The following FOXP2 variants were observed in gnomAD, a reference collection of about 807,000 sequenced individuals.
The protein encoded by FOXP2 is forkhead box P2.
In FOXP2, 12 loss-of-function variants were observed where a neutral mutation model predicts 115.8. The observed-to-expected ratio is 0.10, with a 90% CI of 0.07 to 0.17. FOXP2 has a LOEUF of 0.17. Among genes scored for constraint, FOXP2 ranks in the 10% least tolerant of loss-of-function variants. FOXP2 has a pLI of 1.00. For synonymous variants in FOXP2, 328 were observed against 297.7 expected (o/e 1.10, Z -1.05); for missense variants, 629 against 843.5 (o/e 0.75, Z 3.15).
chr7:114,332,114 G>T (rs551398093), intron 2 of FOXP2, among the ~76,000 whole-genome samples: 1 of 150,382 alleles, frequency 6.6e-6, no homozygotes, highest in Admixed American at 6.6e-5. Context: ...GCATATGAAC[G>T]TGTGTGTGTG....
At chr7:114,336,487 C>T (rs986553223) in intron 2 of FOXP2, among the ~76,000 whole-genome samples, 1 of 151,438 alleles carries the variant, frequency 6.6e-6, no homozygotes, top group East Asian at 1.9e-4. Context: ...TTTCTCAAGT[C>T]TGTCTTTAAA....
chr7:114,522,703 T>C (rs139603631), intron 2 of FOXP2, among the ~76,000 whole-genome samples: 54 of 152,286 alleles, frequency 3.5e-4, no homozygotes, highest in African/African-American at 1.3e-3. Flanking sequence ...AAGGAATGAT[T>C]ATTTTCACCA....
chr7:114,279,637 C>A (rs1796278265), intron 1 of FOXP2, among the ~76,000 whole-genome samples: 1 of 151,880 alleles, frequency 6.6e-6, no homozygotes, highest in African/African-American at 2.4e-5. Flanking sequence ...CACACTTGAT[C>A]ACTTTGTTAT....
chr7:114,622,136 G>A (rs146658573), intron 3 of FOXP2, among the ~76,000 whole-genome samples: 1 of 151,908 alleles, frequency 6.6e-6, no homozygotes, highest in Admixed American at 6.6e-5. Context: ...AAAGCTGAGA[G>A]ACTGTAATAT....
intron 1 of FOXP2, among the ~76,000 whole-genome samples, chr7:114,169,143 C>G (rs185633321): frequency 1.9e-5 from 2 of 103,410 alleles, no homozygotes; most frequent in African/African-American, 3.4e-5. Flanking sequence ...CACACAGAGT[C>G]CCTACTGGTG....
chr7:114,221,641 CTGTA>C (rs1160507450), intron 1 of FOXP2, among the ~76,000 whole-genome samples: 1 of 152,132 alleles, frequency 6.6e-6, no homozygotes, highest in Non-Finnish European at 1.5e-5. Context: ...CTCCCTAGGG[CTGTA>C]TACTGTACTA....
intron 2 of FOXP2, among the ~76,000 whole-genome samples, chr7:114,338,041 G>C (rs1461470546): frequency 1.3e-5 from 2 of 150,966 alleles, no homozygotes; most frequent in African/African-American, 4.8e-5. Context: ...ATATGTAGAG[G>C]CCTATTATAT....
At chr7:114,620,645 C>T (rs1441788104) in intron 3 of FOXP2, among the ~76,000 whole-genome samples, 1 of 151,894 alleles carries the variant, frequency 6.6e-6, no homozygotes, top group African/African-American at 2.4e-5. Flanking sequence ...AATATTGCAA[C>T]TGTGGGAAAA....
At chr7:114,688,963 G>C (rs530445270) in intron 16 of FOXP2, among the ~76,000 whole-genome samples, 12 of 152,022 alleles carry the variant, frequency 7.9e-5, no homozygotes, top group Non-Finnish European at 1.8e-4. Flanking sequence ...TCTTGCTTCA[G>C]GGGTAAAAAG....
chr7:114,524,044 T>C (rs1366558578), intron 2 of FOXP2, among the ~76,000 whole-genome samples: 1 of 152,196 alleles, frequency 6.6e-6, no homozygotes, highest in Admixed American at 6.5e-5. Flanking sequence ...ACTGGGAATC[T>C]TCTATTTTAT....
intron 2 of FOXP2, among the ~76,000 whole-genome samples, chr7:114,507,896 A>G (rs530425270): frequency 1.3e-5 from 2 of 152,120 alleles, no homozygotes; most frequent in African/African-American, 4.8e-5. Flanking sequence ...GAGGCAGTAT[A>G]TATTGAGTAT....
intron 8 of FOXP2, among the ~76,000 whole-genome samples, chr7:114,646,655 ACTAACTC>A (rs1175893710): frequency 6.6e-6 from 1 of 151,984 alleles, no homozygotes; most frequent in African/African-American, 2.4e-5. Flanking sequence ...CTTTAGATTC[ACTAACTC>A]AAAGATCTGT....
At chr7:114,666,796 A>G (rs1228533022) in intron 16 of FOXP2, 2 of 152,152 alleles carry the variant, frequency 1.3e-5, no homozygotes, top group Admixed American at 6.6e-5. Flanking sequence ...TGAGCACGTT[A>G]CTTAATATTT....
chr7:114,138,918 A>G (rs1792125905), intron 1 of FOXP2, among the ~76,000 whole-genome samples: 1 of 152,176 alleles, frequency 6.6e-6, no homozygotes, highest in Non-Finnish European at 1.5e-5. Flanking sequence ...GGAAATACGA[A>G]CAAAGTGTGA....
intron 1 of FOXP2, among the ~76,000 whole-genome samples, chr7:114,121,806 T>G (rs1359859302): frequency 6.6e-5 from 10 of 152,108 alleles, no homozygotes. Flanking sequence ...AGCAGGGAAT[T>G]TATTTTACAC....
At chr7:114,180,175 T>C (rs2129154891) in intron 1 of FOXP2, among the ~76,000 whole-genome samples, 1 of 152,094 alleles carries the variant, frequency 6.6e-6, no homozygotes, top group African/African-American at 2.4e-5. Context: ...AACCAGAAGT[T>C]CTGAAATGAT....
chr7:114,446,745 T>C (rs1213969909), intron 2 of FOXP2, among the ~76,000 whole-genome samples: 1 of 149,324 alleles, frequency 6.7e-6, no homozygotes, highest in Non-Finnish European at 1.5e-5. Flanking sequence ...ATTTCTTTCT[T>C]TCTTTTTTTT....
At chr7:114,466,817 A>C (rs1376311302) in intron 2 of FOXP2, among the ~76,000 whole-genome samples, 1 of 152,218 alleles carries the variant, frequency 6.6e-6, no homozygotes, top group African/African-American at 2.4e-5. Flanking sequence ...AATCAAGCTT[A>C]AGGTTTTCTT....
chr7:114,294,016 T>C (rs888352510), intron 2 of FOXP2, among the ~76,000 whole-genome samples: 2 of 152,194 alleles, frequency 1.3e-5, no homozygotes, highest in Non-Finnish European at 2.9e-5. Context: ...CCCTTGACTT[T>C]GAGGGGAATA....
Sources: allele counts gnomAD v4.1 joint callset (sites outside exome capture counted in the v4.1 genomes callset), GRCh38; gene constraint gnomAD v4.1.1; transcripts MANE v1.5; gene names NCBI Gene and HGNC (gene_info 2026-07-23, HGNC 2026-07-21).